Variants in SPINK9 observed in about 807,000 individuals in gnomAD.
SPINK9 encodes serine protease inhibitor Kazal-type 9.
In SPINK9, 3 loss-of-function variants were observed where a neutral mutation model predicts 10.8. The observed-to-expected ratio is 0.28, with a 90% CI of 0.13 to 0.72. The LOEUF is 0.72. SPINK9 is among the 30% of genes least tolerant of loss of function. The probability of loss-of-function intolerance (pLI) is 0.74; values close to 1 mark genes in which losing one functional copy is unlikely to be tolerated. For missense variants in SPINK9, 101 were observed against 103.2 expected (o/e 0.98, Z 0.09); for synonymous variants, 30 against 31.2 (o/e 0.96, Z 0.12).
Position 148,338,483 on chromosome 5 carries a change from C to T in SPINK9, c.93C>T (p.Asp31=), listed in dbSNP as rs745588007. Residue 31 remains aspartate, a synonymous_variant, in exon 3 of 4, where the codon GAC becomes GAT. Coordinates refer to ENST00000377906, the MANE Select transcript of SPINK9 (RefSeq NM_001040433.2). ...ECAKQTKQMV[D]CSHYKKLPPG... Reference sequence around the variant, plus strand: ...TTTTTAATATGTTTTTTCAGGTTGACTGCAGTCATTATAAAAAGTTACCAC... The same window carrying T: ...TTTTTAATATGTTTTTTCAGGTTGATTGCAGTCATTATAAAAAGTTACCAC... The T allele has an allele frequency of 3.8e-6, 6 of 1,599,980 alleles. No individual in the cohort carries two copies. In the South Asian group the frequency reaches 6.9e-5, roughly 18 times the overall value.
rs367752009 is a variant in SPINK9 at position 148,339,705 on chromosome 5, A to T, written c.254A>T (p.Lys85Ile). ...ACACTTAAATTTGTACATTTTGGAA[A>T]ATGTTAAATCTATCTTGTGAGTCCA... ...DGTLKFVHFG[K>I]C Residue 85 changes from lysine (K) to isoleucine (I), a missense_variant, in exon 4 of 4, where the codon AAA (lysine) becomes ATA (isoleucine). Coordinates refer to ENST00000377906, the MANE Select transcript of SPINK9 (RefSeq NM_001040433.2). The T allele has an allele frequency of 6.2e-7, 1 of 1,612,076 alleles. No individual in the cohort carries two copies. The highest frequency in any genetic ancestry group is 1.1e-5 in the South Asian group (1 of 91,036).
intron 3 of SPINK9, 132 bp downstream of exon 3, chr5:148,338,737 G>C (rs1757250554): frequency 1.6e-6 from 1 of 618,596 alleles, no homozygotes; most frequent in Admixed American, 3.9e-5. Context: ...GAACCTTCCA[G>C]TTGGTAGAAT....
chr5:148,332,455 T>C (rs542919680), upstream of SPINK9, among the ~76,000 whole-genome samples: 117 of 152,304 alleles, frequency 7.7e-4, no homozygotes, highest in Non-Finnish European at 1.3e-3. Flanking sequence ...TGGAAGTAAA[T>C]AGCGATACCA....
chr5:148,334,195 T>G (rs1757185899), upstream of SPINK9, among the ~76,000 whole-genome samples: 1 of 151,892 alleles, frequency 6.6e-6, no homozygotes, highest in East Asian at 1.9e-4. Context: ...CAATTATATG[T>G]CAGAGGTGGA....
chr5:148,334,097 T>C (rs538152967), upstream of SPINK9, among the ~76,000 whole-genome samples: 2 of 151,868 alleles, frequency 1.3e-5, no homozygotes, highest in East Asian at 3.9e-4. Flanking sequence ...AGGGGGTCAG[T>C]GCATAGAAAA....
chr5:148,324,495 A>G (rs571527082), intron 2 of SPINK9, among the ~76,000 whole-genome samples: 4 of 152,232 alleles, frequency 2.6e-5, no homozygotes, highest in Admixed American at 2.6e-4. Context: ...TACTGGCTGA[A>G]AAGATACAAT....
At chr5:148,327,093 T>A (rs576827854) in intron 2 of SPINK9, among the ~76,000 whole-genome samples, 6 of 152,176 alleles carry the variant, frequency 3.9e-5, no homozygotes, top group African/African-American at 9.7e-5. Context: ...CGCCACACTG[T>A]CTCCCACAAT....
intron 2 of SPINK9, chr5:148,324,017 T>C: frequency 2.2e-6 from 1 of 445,804 alleles, no homozygotes. Context: ...TAAACTATAA[T>C]GTCCTACAAA....
At chr5:148,331,226 G>A (rs1050085792), upstream of SPINK9, among the ~76,000 whole-genome samples, 3 of 152,170 alleles carry the variant, frequency 2.0e-5, no homozygotes, top group Non-Finnish European at 4.4e-5. Context: ...GGCCATCTTG[G>A]CTCCACCCCT....
intron 2 of SPINK9, among the ~76,000 whole-genome samples, chr5:148,327,810 A>G (rs1757085894): frequency 1.3e-5 from 2 of 152,038 alleles, no homozygotes; most frequent in Admixed American, 6.6e-5. Flanking sequence ...AAGATCAGAT[A>G]GTTGTAGATA....
At chr5:148,321,873 G>C (rs4705250) in intron 1 of SPINK9, among the ~76,000 whole-genome samples, 43,435 of 151,966 alleles carry the variant, frequency 0.29, 6,343 homozygotes, top group East Asian at 0.41. Context: ...TTTATATTGA[G>C]TATTTCCTCA....
chr5:148,338,554 G>T lies in SPINK9; in HGVS notation c.164G>T (p.Gly55Val). The T allele has an allele frequency of 6.2e-7, 1 of 1,606,246 alleles. No individual in the cohort carries two copies. Among genetic ancestry groups the T allele is most frequent in the Non-Finnish European group, 8.5e-7 (1 of 1,174,426 alleles). ...CATCATATGTATGATCCAATTTGTG[G>T]ATCTGATGGCAAAACTTATAAAAAT... The part of the protein sequence containing the change: ...FCHHMYDPIC[G>V]SDGKTYKNDC... The change falls in exon 3 of 4, where the codon GGA (glycine) becomes GTA (valine). Residue 55 changes from glycine to valine, a missense_variant. Coordinates refer to ENST00000377906, the MANE Select transcript of SPINK9 (RefSeq NM_001040433.2).
rs60898726 is a variant in SPINK9 at position 148,329,442 on chromosome 5, T to C, written c.118+5574T>C. Among the ~76,000 whole-genome samples, 1,363 of 152,276 alleles carry C rather than the reference T, an allele frequency of 9.0e-3. 18 individuals are homozygous for C. Among genetic ancestry groups the C allele is most frequent in the African/African-American group, 0.031 (1,302 of 41,556 alleles). ...TAGCCGTCTATCAATTTTGTTGATC[T>C]TTTCAAAAAACCAGCTCCCGGATTC... On this transcript the variant is annotated intron_variant, in intron 2 of 4. Transcript: ENST00000511717.
chr5:148,328,221 C>T (rs1451855421), intron 2 of SPINK9, among the ~76,000 whole-genome samples: 11 of 152,164 alleles, frequency 7.2e-5, no homozygotes, highest in African/African-American at 2.7e-4. Context: ...AGGTCCTTCA[C>T]ATCCCTTGTA....
intron 2 of SPINK9, among the ~76,000 whole-genome samples, chr5:148,325,200 C>T (rs1757043877): frequency 6.6e-6 from 1 of 151,848 alleles, no homozygotes; most frequent in South Asian, 2.1e-4. Flanking sequence ...GGGTTGTTTC[C>T]AATTTGGGGT....
chr5:148,334,901 T>C (rs1581189431), upstream of SPINK9, among the ~76,000 whole-genome samples: 1 of 152,250 alleles, frequency 6.6e-6, no homozygotes, highest in East Asian at 1.9e-4. Flanking sequence ...CAAGGTCACA[T>C]GGAGAGTGGT....
At chr5:148,338,669 A>T in intron 3 of SPINK9, 64 bp downstream of exon 3, 1 of 1,285,622 alleles carries the variant, frequency 7.8e-7, no homozygotes, top group Non-Finnish European at 1.1e-6. Flanking sequence ...ACAAATTAGA[A>T]GGTGTGATGT....
intron 2 of SPINK9, among the ~76,000 whole-genome samples, chr5:148,329,374 C>T (rs1448404715): frequency 6.6e-6 from 1 of 151,924 alleles, no homozygotes; most frequent in Non-Finnish European, 1.5e-5. Context: ...TTTTTTATTG[C>T]ATCTATTTGA....
intron 2 of SPINK9, among the ~76,000 whole-genome samples, chr5:148,337,444 G>A (rs1757231743): frequency 6.6e-6 from 1 of 152,114 alleles, no homozygotes; most frequent in African/African-American, 2.4e-5. Flanking sequence ...CACATCTGGA[G>A]GGAAGGAAGA....
Sources: gnomAD v4.1 joint callset for allele counts (sites outside exome capture counted in the v4.1 genomes callset) on GRCh38, gnomAD v4.1.1 for gene constraint, MANE v1.5 for transcripts, NCBI Gene and HGNC (gene_info 2026-07-23, HGNC 2026-07-21) for gene names.